The following SLC24A3 variants were observed in gnomAD, a reference collection of about 807,000 sequenced individuals.
SLC24A3 encodes the protein sodium/potassium/calcium exchanger 3.
In SLC24A3, 28 loss-of-function variants were observed where a neutral mutation model predicts 75.8. The observed-to-expected ratio is 0.37, with a 90% CI of 0.27 to 0.51. The LOEUF (loss-of-function observed/expected upper bound fraction) is 0.51, where lower values mean the gene tolerates loss of function less well. Among genes scored for constraint, SLC24A3 ranks in the 20% least tolerant of loss-of-function variants. The pLI is 0.94. For missense variants in SLC24A3, 663 were observed against 847.8 expected (o/e 0.78, Z 2.71); for synonymous variants, 372 against 334.1 (o/e 1.11, Z -1.24).
chr20:19,424,728 CAAAAAAAAAACAACAACAA>C (rs201852872), intron 2 of SLC24A3, among the ~76,000 whole-genome samples: 21,529 of 99,400 alleles, frequency 0.22, 2,478 homozygotes, highest in African/African-American at 0.43. Context: ...GACCCTTTCT[CAAAAAAAAAACAACAACAA>C]AAAAAAAAAA....
intron 1 of SLC24A3, among the ~76,000 whole-genome samples, chr20:19,238,790 G>A (rs148506619): frequency 9.7e-4 from 148 of 152,268 alleles, no homozygotes; most frequent in African/African-American, 3.4e-3. Context: ...AAGACACACC[G>A]AAGACACACC....
intron 2 of SLC24A3, among the ~76,000 whole-genome samples, chr20:19,305,623 CA>C (rs1568584491): frequency 6.6e-6 from 1 of 151,990 alleles, no homozygotes; most frequent in Non-Finnish European, 1.5e-5. Context: ...ATCTGGTCTT[CA>C]AAAAAGTCAA....
At chr20:19,617,002 C>G (rs189705222) in intron 6 of SLC24A3, among the ~76,000 whole-genome samples, 66 of 152,196 alleles carry the variant, frequency 4.3e-4, no homozygotes, top group African/African-American at 1.5e-3. Context: ...TGTAGTGAAC[C>G]AAGCAGATGA....
At chr20:19,660,623 G>A (rs941166508) in intron 7 of SLC24A3, among the ~76,000 whole-genome samples, 9 of 152,248 alleles carry the variant, frequency 5.9e-5, no homozygotes, top group African/African-American at 2.2e-4. Flanking sequence ...CTTTTTGATA[G>A]AATGATTTCT....
intron 2 of SLC24A3, among the ~76,000 whole-genome samples, chr20:19,460,548 G>A (rs1451945662): frequency 6.6e-6 from 1 of 152,176 alleles, no homozygotes; most frequent in Non-Finnish European, 1.5e-5. Flanking sequence ...TGTGCATGAT[G>A]TCCTGTGGCA....
At chr20:19,637,162 A>G (rs899484943) in intron 6 of SLC24A3, among the ~76,000 whole-genome samples, 3 of 152,204 alleles carry the variant, frequency 2.0e-5, no homozygotes, top group African/African-American at 7.2e-5. Flanking sequence ...TTAGCCAGAC[A>G]TGGCGGTGCA....
At chr20:19,443,816 T>C (rs1600231986) in intron 2 of SLC24A3, among the ~76,000 whole-genome samples, 1 of 152,226 alleles carries the variant, frequency 6.6e-6, no homozygotes, top group Non-Finnish European at 1.5e-5. Context: ...TCCCCATAAC[T>C]GGGGAGTGCT....
chr20:19,360,827 AAT>A (rs1985772488), intron 2 of SLC24A3, among the ~76,000 whole-genome samples: 2 of 120,798 alleles, frequency 1.7e-5, no homozygotes, highest in African/African-American at 8.0e-5. Flanking sequence ...AGCATGCAGA[AAT>A]TTTTTTTTTT....
chr20:19,503,000 C>T (rs751186744), intron 2 of SLC24A3, among the ~76,000 whole-genome samples: 34 of 150,670 alleles, frequency 2.3e-4, no homozygotes, highest in Non-Finnish European at 2.7e-4. Flanking sequence ...GCGCTCCAGC[C>T]CTGGCAACAG....
chr20:19,225,006 G>T (rs990347582), intron 1 of SLC24A3, among the ~76,000 whole-genome samples: 4 of 152,182 alleles, frequency 2.6e-5, no homozygotes, highest in Admixed American at 1.3e-4. Context: ...ACAAAAAAGA[G>T]ATTTGTTTAA....
At chr20:19,626,631 T>C (rs570035459) in intron 6 of SLC24A3, among the ~76,000 whole-genome samples, 2 of 152,310 alleles carry the variant, frequency 1.3e-5, no homozygotes, top group East Asian at 3.9e-4. Context: ...TGTAAATGTA[T>C]AGTCCTTAAT....
At chr20:19,377,314 T>C (rs1986101211) in intron 2 of SLC24A3, among the ~76,000 whole-genome samples, 1 of 152,122 alleles carries the variant, frequency 6.6e-6, no homozygotes, top group Non-Finnish European at 1.5e-5. Flanking sequence ...GTCATGAAGA[T>C]GGAAGGATAA....
chr20:19,323,956 G>A (rs1323977966), intron 2 of SLC24A3, among the ~76,000 whole-genome samples: 2 of 152,116 alleles, frequency 1.3e-5, no homozygotes, highest in Admixed American at 6.5e-5. Context: ...TTGCTTTCTA[G>A]TCTGTCATAG....
intron 9 of SLC24A3, among the ~76,000 whole-genome samples, chr20:19,674,482 C>G (rs2032501987): frequency 6.6e-6 from 1 of 152,158 alleles, no homozygotes; most frequent in Non-Finnish European, 1.5e-5. Flanking sequence ...CACATGGGCT[C>G]CTCCCTAGAG....
chr20:19,318,056 G>T (rs1984623854), intron 2 of SLC24A3, among the ~76,000 whole-genome samples: 1 of 152,188 alleles, frequency 6.6e-6, no homozygotes, highest in Admixed American at 6.5e-5. Context: ...GACCTCTGGA[G>T]CAGCCCTCAA....
rs546441464 is a variant in SLC24A3, at chr20:19,224,492, G to A, written c.142+11508G>A. ...TTATTACTGTCAGGTATGGTAACCT[G>A]AACTACGTGCTGGATAAAGGCCATG... On this transcript the variant is annotated intron_variant, in intron 1 of 16. Transcript: ENST00000328041. Among the ~76,000 whole-genome samples the A allele has an allele frequency of 3.9e-5, 6 of 152,268 alleles. No individual in the cohort carries two copies. The East Asian group carries it at 9.7e-4, about 25-fold the overall frequency.
At chr20:19,693,233 CT>C (rs746253359) in intron 12 of SLC24A3, 25 bp from the exon 13 acceptor site, 3 of 1,579,748 alleles carry the variant, frequency 1.9e-6, no homozygotes, top group African/African-American at 1.4e-5. Context: ...TTTTTTATTT[CT>C]TTTTGGCCTT....
At chr20:19,477,927 A>G (rs1389750050) in intron 2 of SLC24A3, among the ~76,000 whole-genome samples, 1 of 152,230 alleles carries the variant, frequency 6.6e-6, no homozygotes, top group East Asian at 1.9e-4. Context: ...CATCTTCACA[A>G]AGGACAGTCT....
chr20:19,268,906 A>G (rs1983245020), intron 1 of SLC24A3, among the ~76,000 whole-genome samples: 1 of 152,258 alleles, frequency 6.6e-6, no homozygotes, highest in Non-Finnish European at 1.5e-5. Flanking sequence ...TAAAAGTCAG[A>G]CAAACTCCAT....
Sources: allele counts gnomAD v4.1 joint callset (sites outside exome capture counted in the v4.1 genomes callset), GRCh38; gene constraint gnomAD v4.1.1; transcripts MANE v1.5; gene names NCBI Gene and HGNC (gene_info 2026-07-23, HGNC 2026-07-21).